ZFYVE26: variants seen among roughly 807,000 people sequenced by gnomAD.
ZFYVE26 encodes zinc finger FYVE domain-containing protein 26.
In ZFYVE26, 181 loss-of-function variants were observed where a neutral mutation model predicts 276.5. That is an observed-to-expected ratio of 0.65 (90% CI 0.58 to 0.74). The LOEUF is 0.74. Ranked by LOEUF, ZFYVE26 falls within the 30% of genes least tolerant of loss-of-function variation. ZFYVE26 has a pLI of 0.00. For missense variants in ZFYVE26, 2,821 were observed against 3,097.9 expected (o/e 0.91, Z 2.12); for synonymous variants, 1,129 against 1,203.1 (o/e 0.94, Z 1.27).
At chr14:67,783,589 C>A (rs2039568236) in intron 20 of ZFYVE26, 64 bp from the exon 21 acceptor site, 1 of 1,592,308 alleles carries the variant, frequency 6.3e-7, no homozygotes, top group Admixed American at 1.7e-5. Flanking sequence ...ACCAGTCTTA[C>A]AATTTCTTTA....
downstream of ZFYVE26, among the ~76,000 whole-genome samples, chr14:67,745,475 T>G (rs921226104): frequency 4.8e-5 from 7 of 145,118 alleles, no homozygotes; most frequent in East Asian, 1.2e-3. Flanking sequence ...GTATAGTTTG[T>G]TTTTTTTTTT....
Position 67,755,719 on chromosome 14 carries a change from G to A in ZFYVE26, c.6786+229C>T, listed in dbSNP as rs770773809. Among the ~76,000 whole-genome samples, 19 of 151,722 alleles carry A rather than the reference G, an allele frequency of 1.3e-4. No homozygotes were observed. The highest frequency in any genetic ancestry group is 2.4e-4 in the Non-Finnish European group (16 of 67,960). ...TCTTTTTTTTACCTGTTCATTTCTTGCTTTCTGAAGAATGCCTTTATTGAC... is the reference window on the plus strand; with the variant it reads ...TCTTTTTTTTACCTGTTCATTTCTTACTTTCTGAAGAATGCCTTTATTGAC... On this transcript the variant is annotated intron_variant, in intron 36 of 41. Coordinates refer to ENST00000347230, the MANE Select transcript of ZFYVE26 (RefSeq NM_015346.4).
chr14:67,778,285 T>C (rs2039403735), intron 23 of ZFYVE26, 37 bp from the exon 24 acceptor site: 6 of 1,613,834 alleles, frequency 3.7e-6, no homozygotes, highest in East Asian at 2.2e-5. Flanking sequence ...CCCCTTTACA[T>C]GACTGCCTGA....
In ZFYVE26 at chr14:67,787,810, G is replaced by A. The variant is rs373083143; in HGVS notation, c.3019+1525C>T. On this transcript the variant is annotated intron_variant, in intron 16 of 41. Transcript: ENST00000347230. ...ACATTAAAGGACATTTTAACCAACA[G>A]CTCAGAGGTGATTTGGAGGGGTGTA... Among the ~76,000 whole-genome samples the A allele has an allele frequency of 2.0e-5, 3 of 152,202 alleles. No individual in the cohort carries two copies. The East Asian group carries it at 5.8e-4, about 29-fold the overall frequency.
intron 16 of ZFYVE26, 107 bp downstream of exon 16, chr14:67,789,227 AC>A: frequency 6.7e-7 from 1 of 1,483,882 alleles, no homozygotes; most frequent in South Asian, 1.1e-5. Context: ...TAATCCATTC[AC>A]CATCTGCCTC....
At chr14:67,795,314 G>C (rs1338479671) in intron 12 of ZFYVE26, among the ~76,000 whole-genome samples, 1 of 152,166 alleles carries the variant, frequency 6.6e-6, no homozygotes, top group African/African-American at 2.4e-5. Context: ...TTCTCTCACG[G>C]CATCCTCCGC....
chr14:67,740,741 C>G (rs762542171), intron 13 of ZFYVE26, among the ~76,000 whole-genome samples: 1 of 152,094 alleles, frequency 6.6e-6, no homozygotes, highest in Non-Finnish European at 1.5e-5. Context: ...ACCCCTATCT[C>G]TACTAAAAAT....
chr14:67,808,544 C>A (rs2140253150), intron 4 of ZFYVE26, among the ~76,000 whole-genome samples: 1 of 152,080 alleles, frequency 6.6e-6, no homozygotes. Context: ...CCTCTGTTTG[C>A]AGGGTGAGGG....
intron 14 of ZFYVE26, among the ~76,000 whole-genome samples, chr14:67,792,560 A>G (rs998053969): frequency 8.5e-5 from 13 of 152,182 alleles, no homozygotes; most frequent in African/African-American, 2.4e-4. Flanking sequence ...TCTCTCTACA[A>G]TACAAATATT....
rs1315958519 is a variant in ZFYVE26 at position 67,789,449 on chromosome 14, G to A, written c.2905C>T (p.Pro969Ser). 2.0e-5 allele frequency: 32 copies of A among 1,614,072 alleles called. No homozygotes were observed. In the East Asian group the frequency reaches 7.1e-4, roughly 36 times the overall value. Residue 969 changes from proline (P) to serine (S), a missense_variant, in exon 16 of 42, where the codon CCC becomes TCC. Coordinates refer to ENST00000347230, the MANE Select transcript of ZFYVE26 (RefSeq NM_015346.4). ...AGGTCAAATGCAGCCATGGCAGGGG[G>A]ACTGAGGTCTTCCAGAACCTCTCTC... ...PLREVLEDLSPPAMAAFDLAC... is the reference protein window; with the variant it reads ...PLREVLEDLSSPAMAAFDLAC...
chr14:67,779,259 A>G (rs952330488), intron 23 of ZFYVE26, among the ~76,000 whole-genome samples: 3 of 152,210 alleles, frequency 2.0e-5, no homozygotes, highest in Non-Finnish European at 1.5e-5. Flanking sequence ...GAAAAGTTGG[A>G]CAATATAAAA....
At chr14:67,809,056 C>A in intron 4 of ZFYVE26, 144 bp downstream of exon 4, 1 of 750,922 alleles carries the variant, frequency 1.3e-6, no homozygotes, top group South Asian at 1.5e-5. Context: ...ACTCTAAACT[C>A]TCCTCAAAGG....
At chr14:67,770,097 T>C (rs1385638134) in intron 28 of ZFYVE26, 4 of 305,484 alleles carry the variant, frequency 1.3e-5, no homozygotes, top group Non-Finnish European at 1.9e-5. Context: ...AAGTATCCCT[T>C]TCAAAATGCC....
chr14:67,813,800 T>C (rs1291766177), intron 3 of ZFYVE26, among the ~76,000 whole-genome samples, 186 bp downstream of exon 3: 1 of 152,224 alleles, frequency 6.6e-6, no homozygotes, highest in Non-Finnish European at 1.5e-5. Context: ...TATGCCAATG[T>C]ATATTAGTGC....
chr14:67,794,248 A>G lies in ZFYVE26; in HGVS notation c.2333-9T>C, dbSNP rs1428905219. ...ACCTCTGTCTCGGCCATCTACAGGT[A>G]TTGGGAAGAAGAGAGAAAGTCAATT... is the stretch of plus-strand genomic sequence containing the variant. On this transcript the variant is annotated splice_polypyrimidine_tract_variant and intron_variant, in intron 12 of 41. Coordinates refer to ENST00000347230, the MANE Select transcript of ZFYVE26 (RefSeq NM_015346.4). The G allele has an allele frequency of 8.1e-6, 13 of 1,613,696 alleles. No individual in the cohort carries two copies. The highest frequency in any genetic ancestry group is 1.0e-5 in the Non-Finnish European group (12 of 1,179,674).
chr14:67,750,695 C>T (rs2038614290), intron 41 of ZFYVE26: 2 of 358,576 alleles, frequency 5.6e-6, no homozygotes, highest in South Asian at 5.2e-5. Flanking sequence ...TACCTGCTTA[C>T]TCTGGGAACC....
At chr14:67,815,734 C>T (rs2040387769) in intron 2 of ZFYVE26, 36 bp downstream of exon 2, 1 of 1,608,158 alleles carries the variant, frequency 6.2e-7, no homozygotes, top group Non-Finnish European at 8.5e-7. Flanking sequence ...ATGTCTCTCA[C>T]CCTGGGACCG....
At chr14:67,733,036 G>A (rs911746341) in intron 13 of ZFYVE26, among the ~76,000 whole-genome samples, 9 of 152,168 alleles carry the variant, frequency 5.9e-5, no homozygotes, top group African/African-American at 1.9e-4. Flanking sequence ...ACGAGTTCAT[G>A]GGTGCAGCAC....
At chr14:67,802,337 A>T in intron 9 of ZFYVE26, 55 bp from the exon 10 acceptor site, 5 of 1,573,066 alleles carry the variant, frequency 3.2e-6, no homozygotes, top group Non-Finnish European at 4.4e-6. Context: ...TCAGGATGCA[A>T]GTATGGGTGA....
Sources: allele counts gnomAD v4.1 joint callset (sites outside exome capture counted in the v4.1 genomes callset), GRCh38; gene constraint gnomAD v4.1.1; transcripts MANE v1.5; gene names NCBI Gene and HGNC (gene_info 2026-07-23, HGNC 2026-07-21).